MED23: variants seen among roughly 807,000 people sequenced by gnomAD.
MED23 encodes the protein mediator complex subunit 23.
In MED23, 105 loss-of-function variants were observed where a neutral mutation model predicts 163.9. The ratio of observed to expected loss-of-function variants is 0.64; its 90% CI spans 0.55 to 0.75. MED23 has a LOEUF of 0.75. Ranked by LOEUF, MED23 falls within the 30% of genes least tolerant of loss-of-function variation. The probability of loss-of-function intolerance (pLI) is 0.00; values close to 1 mark genes in which losing one functional copy is unlikely to be tolerated. For synonymous variants in MED23, 561 were observed against 565.6 expected, an observed-to-expected ratio of 0.99 and a Z score of 0.12; for missense variants, 1,054 against 1,649.0, an observed-to-expected ratio of 0.64 and a Z score of 6.25.
Position 131,587,577 on chromosome 6 carries a change from T to C in MED23, c.*102A>G, listed in dbSNP as rs1179342598. On this transcript the variant is annotated 3_prime_UTR_variant, in exon 29 of 29. Transcript: ENST00000368068. ...AAAACAATCTGAATATCATCACTGC[T>C]TCTACTATATCACTACAGTGTGATC... is the stretch of plus-strand genomic sequence containing the variant. The C allele has an allele frequency of 1.3e-6, 2 of 1,580,022 alleles. No homozygotes were observed. Among genetic ancestry groups the C allele is most frequent in the Non-Finnish European group, 1.7e-6 (2 of 1,161,936 alleles).
intron 25 of MED23, 149 bp downstream of exon 25, chr6:131,592,239 A>T: frequency 1.4e-6 from 1 of 711,428 alleles, no homozygotes; most frequent in Non-Finnish European, 2.4e-6. Context: ...AGCAGTAATA[A>T]TATGAAAAAA....
At chr6:131,575,731 G>A (rs890417619) in intron 30 of MED23, among the ~76,000 whole-genome samples, 1 of 152,218 alleles carries the variant, frequency 6.6e-6, no homozygotes, top group African/African-American at 2.4e-5. Flanking sequence ...GAAAGATACA[G>A]AAAGGAACTG....
rs910012452 is a variant in MED23 at position 131,600,307 on chromosome 6, C to A, written c.2096-145G>T. On this transcript the variant is annotated intron_variant, in intron 17 of 28. Transcript: ENST00000368068. ...TTAACTAGTTATATTCAGCTTAGAA[C>A]CTAAATTTGCTTAGTTTATGAATGA... 2.2e-5 allele frequency: 17 copies of A among 784,270 alleles called. No homozygotes were observed. The African/African-American group carries it at 2.8e-4, about 13-fold the overall frequency. 48.6% of individuals were successfully genotyped at this position (784,270 alleles called of 1,614,324 possible). A position where few individuals can be genotyped will look rare whatever the true frequency, so the allele number is the denominator to read the frequency against.
chr6:131,592,466 A>C lies in MED23; in HGVS notation c.3399-6T>G, dbSNP rs1774717603. 1 of 1,613,516 alleles carries C rather than the reference A, an allele frequency of 6.2e-7. No homozygotes were observed. On this transcript the variant is annotated splice_region_variant and splice_polypyrimidine_tract_variant and intron_variant, in intron 24 of 28. Transcript: ENST00000368068. ...CTCTTGGCACTAAAGGCTGACTGCA[A>C]CCGGCAAAAAAGAATGTAAGTATGA...
intron 14 of MED23, 46 bp downstream of exon 14, chr6:131,605,194 C>T (rs2608953): frequency 0.17 from 270,154 of 1,589,506 alleles, 25,490 homozygotes; most frequent in East Asian, 0.33. Flanking sequence ...ATACTATACT[C>T]GTATCAATTC....
rs55809309 is a variant in MED23, at chr6:131,595,966, T to A, written c.2976A>T (p.Gly992=). ...KSLETLLDHL[G]GLYKFHDRPV... is the part of the protein sequence containing the mutation. ...GCTCACCATGAAATTTATATAAGCC[T>A]CCTAGATGATCCAGTAGAGTCTCCA... The change falls in exon 22 of 29, where the codon GGA becomes GGT. Residue 992 remains glycine, a synonymous_variant. Transcript: ENST00000368068. 1 of 1,613,692 alleles carries A rather than the reference T, an allele frequency of 6.2e-7. No homozygotes were observed. The highest frequency in any genetic ancestry group is 8.5e-7 in the Non-Finnish European group (1 of 1,179,776).
intron 30 of MED23, among the ~76,000 whole-genome samples, chr6:131,580,978 GA>G (rs1223378238): frequency 2.0e-5 from 3 of 151,734 alleles, no homozygotes; most frequent in Admixed American, 6.6e-5. Context: ...TGGATTTTGG[GA>G]AAAAAAATCA....
At chr6:131,582,390 C>T (rs1008641710), downstream of MED23, among the ~76,000 whole-genome samples, 5 of 152,234 alleles carry the variant, frequency 3.3e-5, no homozygotes, top group Middle Eastern at 0.01. Context: ...AAGAAGGGCC[C>T]AGCAGGACTG....
At chr6:131,583,561 C>A, downstream of MED23, 2 of 1,457,136 alleles carry the variant, frequency 1.4e-6, no homozygotes, top group Non-Finnish European at 1.8e-6. Context: ...ACCTCCTTGA[C>A]CTGAAACCAA....
intron 10 of MED23, among the ~76,000 whole-genome samples, chr6:131,611,618 T>A (rs575587372): frequency 5.3e-5 from 8 of 152,256 alleles, no homozygotes; most frequent in Non-Finnish European, 8.8e-5. Context: ...ATTCACTAGT[T>A]CTGCCAACCA....
At position 131,590,393 on chromosome 6, in the gene MED23, G is replaced by A. The variant is rs1774511233; in HGVS notation, c.3736C>T (p.Leu1246Phe). 1.2e-6 allele frequency: 2 copies of A among 1,608,846 alleles called. No individual in the cohort carries two copies. The highest frequency in any genetic ancestry group is 1.7e-6 in the Non-Finnish European group (2 of 1,175,494). Residue 1246 changes from leucine to phenylalanine, a missense_variant, in exon 27 of 29, where the codon CTT becomes TTT. By Grantham distance (22) the Leu-to-Phe change is conservative. Coordinates refer to ENST00000368068, the MANE Select transcript of MED23 (RefSeq NM_004830.4). ...GGTCCAACAAGATGGTATACATAAAGCAACTGGAATTCGGTCTTCACTATA... is the reference window on the plus strand; with the variant it reads ...GGTCCAACAAGATGGTATACATAAAACAACTGGAATTCGGTCTTCACTATA... ...LPIVKTEFQL[L>F]YVYHLVGPFL...
chr6:131,608,084 T>G lies in MED23; in HGVS notation c.1078-13A>C. 1 of 1,613,360 alleles carries G rather than the reference T, an allele frequency of 6.2e-7. No homozygotes were observed. The highest frequency in any genetic ancestry group is 8.5e-7 in the Non-Finnish European group (1 of 1,179,628). On this transcript the variant is annotated splice_polypyrimidine_tract_variant and intron_variant, in intron 11 of 28. Coordinates refer to ENST00000368068, the MANE Select transcript of MED23 (RefSeq NM_004830.4). ...CTCGCCCTGCTAACTATAAAAGATG[T>G]TTAAATACACATGTATACACTGCTA...
intron 30 of MED23, among the ~76,000 whole-genome samples, chr6:131,577,549 G>A (rs1465857348): frequency 6.6e-6 from 1 of 151,936 alleles, no homozygotes; most frequent in African/African-American, 2.4e-5. Context: ...CCCATCAACT[G>A]GTAGATGGTT....
At chr6:131,579,367 A>T (rs942247998) in intron 30 of MED23, 15 of 1,501,948 alleles carry the variant, frequency 1.0e-5, no homozygotes, top group Non-Finnish European at 1.4e-5. Flanking sequence ...ATTTAGAAAT[A>T]TAGACAGAAA....
chr6:131,579,297 T>G, intron 30 of MED23: 1 of 1,613,754 alleles, frequency 6.2e-7, no homozygotes. Context: ...TCTTGTTGAA[T>G]AACTGTGTCT....
At chr6:131,616,823 G>C (rs1441526774) in intron 9 of MED23, among the ~76,000 whole-genome samples, 1 of 152,042 alleles carries the variant, frequency 6.6e-6, no homozygotes. Flanking sequence ...CCTGACTTAA[G>C]AAACAAACAA....
At chr6:131,620,786 AT>A in intron 6 of MED23, 57 bp from the exon 7 acceptor site, 1 of 959,258 alleles carries the variant, frequency 1.0e-6, no homozygotes, top group Non-Finnish European at 1.6e-6. Flanking sequence ...TAAGCCCTTT[AT>A]TTTATTTATT....
chr6:131,586,566 TAC>T (rs1197858472), downstream of MED23, among the ~76,000 whole-genome samples: 1 of 152,190 alleles, frequency 6.6e-6, no homozygotes, highest in Non-Finnish European at 1.5e-5. Context: ...GAATTTGAAA[TAC>T]AGTTGGTTAA....
Position 131,587,242 on chromosome 6 carries a change from C to A in MED23, c.*437G>T. The A allele has an allele frequency of 9.6e-7, 1 of 1,045,548 alleles. No individual in the cohort carries two copies. Among genetic ancestry groups the A allele is most frequent in the Non-Finnish European group, 1.2e-6 (1 of 854,892 alleles). 64.8% of individuals were successfully genotyped at this position (1,045,548 alleles called of 1,614,324 possible). A position where few individuals can be genotyped will look rare whatever the true frequency, so the allele number is the denominator to read the frequency against. On this transcript the variant is annotated 3_prime_UTR_variant, in exon 29 of 29. Coordinates refer to ENST00000368068, the MANE Select transcript of MED23 (RefSeq NM_004830.4). ...AATCTCTATTATTCTGAAAATCTAC[C>A]AAGAGATTTATGTATAAAATATTTG...
Sources: allele counts gnomAD v4.1 joint callset (sites outside exome capture counted in the v4.1 genomes callset), GRCh38; gene constraint gnomAD v4.1.1; transcripts MANE v1.5; gene names NCBI Gene and HGNC (gene_info 2026-07-23, HGNC 2026-07-21).